NAA50: variants seen among roughly 807,000 people sequenced by gnomAD.
The protein encoded by NAA50 is N-alpha-acetyltransferase 50, NatE catalytic subunit, also known as N-alpha-acetyltransferase 50.
NAA50 carries 7 observed loss-of-function variants against 20.7 expected under a neutral mutation model. That is an observed-to-expected ratio of 0.34 (90% CI 0.19 to 0.63). The LOEUF is 0.63. Ranked by LOEUF, NAA50 falls within the 30% of genes least tolerant of loss-of-function variation. The pLI, the probability that NAA50 is intolerant of heterozygous loss-of-function variation, is 0.75. For missense variants in NAA50, 111 were observed against 199.1 expected, an observed-to-expected ratio of 0.56 and a Z score of 2.66; for synonymous variants, 54 against 70.6, an observed-to-expected ratio of 0.77 and a Z score of 1.18.
In NAA50 at chr3:113,746,066, C is replaced by A; in HGVS notation, c.-117G>T. On this transcript the variant is annotated 5_prime_UTR_variant, in exon 1 of 5. It adds an upstream start codon to the 5' untranslated region. Coordinates refer to ENST00000240922, the MANE Select transcript of NAA50 (RefSeq NM_025146.4). ...CAACCCCGCAAGCCGGCCTCCTAGC[C>A]TGGGCAGGGAGCTGTGCGAGCAACG... The A allele has an allele frequency of 7.1e-7, 1 of 1,403,976 alleles. No homozygotes were observed. Among genetic ancestry groups the A allele is most frequent in the Non-Finnish European group, 9.7e-7 (1 of 1,031,048 alleles). 87.0% of individuals were successfully genotyped at this position (1,403,976 alleles called of 1,614,324 possible). A position where few individuals can be genotyped will look rare whatever the true frequency, so the allele number is the denominator to read the frequency against.
chr3:113,745,545 T>G (rs1243500412), intron 1 of NAA50, among the ~76,000 whole-genome samples: 1 of 151,984 alleles, frequency 6.6e-6, no homozygotes, highest in Non-Finnish European at 1.5e-5. Context: ...AGTTCCAGAG[T>G]TGAGTCTGGA....
rs143773608 is a variant in NAA50 at position 113,732,088 on chromosome 3, A to G, written c.9-7993T>C. ...CCCCCAACCAAAGGATGTACATGTC[A>G]TAATCCCAGGAATCTTGAATATCTT... On this transcript the variant is annotated intron_variant, in intron 1 of 4. Coordinates refer to ENST00000240922, the MANE Select transcript of NAA50 (RefSeq NM_025146.4). Among the ~76,000 whole-genome samples, 1,151 of 152,308 alleles carry G rather than the reference A, an allele frequency of 7.6e-3. 11 individuals are homozygous for G. The highest frequency in any genetic ancestry group is 0.026 in the African/African-American group (1,100 of 41,548).
chr3:113,740,591 G>A (rs1017938397), intron 1 of NAA50, among the ~76,000 whole-genome samples: 3 of 152,148 alleles, frequency 2.0e-5, no homozygotes, highest in African/African-American at 7.2e-5. Context: ...GCCCAGGCTG[G>A]TCTTGAACTC....
At chr3:113,745,692 C>T (rs529568908) in intron 1 of NAA50, 5 of 495,644 alleles carry the variant, frequency 1.0e-5, no homozygotes, top group Non-Finnish European at 1.4e-5. Flanking sequence ...CCCCACTCAA[C>T]AACCCACACT....
intron 1 of NAA50, 114 bp from the exon 2 acceptor site, chr3:113,724,209 G>A: frequency 5.2e-6 from 6 of 1,158,340 alleles, no homozygotes; most frequent in Middle Eastern, 2.9e-4. Flanking sequence ...AACTCTTTCA[G>A]AGTTGATTTA....
rs2107980470 is a variant in NAA50 at position 113,717,772 on chromosome 3, A to G, written c.*3988T>C. ...CAAGAGCACAGCCTTTAGACCCACT[A>G]TTTCTTTTATATCCCGAATAACTGT... On this transcript the variant is annotated 3_prime_UTR_variant, in exon 5 of 5. Coordinates refer to ENST00000240922, the MANE Select transcript of NAA50 (RefSeq NM_025146.4). The G allele has an allele frequency of 6.6e-6, 1 of 152,256 alleles. No homozygotes were observed. The highest frequency in any genetic ancestry group is 2.1e-4 in the South Asian group (1 of 4,820). 9.4% of individuals were successfully genotyped at this position (152,256 alleles called of 1,614,324 possible). A position where few individuals can be genotyped will look rare whatever the true frequency, so the allele number is the denominator to read the frequency against.
In NAA50 at chr3:113,723,640, A is replaced by AT. The variant is rs1255626667; in HGVS notation, c.146-100dup. ...ACTACACTGTTCCTATCAACATTAA[A>AT]TTTCATCAACTATTTCATGAATATC... is the stretch of plus-strand genomic sequence containing the variant. On this transcript the variant is annotated intron_variant, in intron 2 of 4. Transcript: ENST00000240922. 21 of 1,304,796 alleles carry AT rather than the reference A, an allele frequency of 1.6e-5. No homozygotes were observed. In the Middle Eastern group the frequency reaches 9.2e-4, roughly 57 times the overall value. The allele number at this position is 1,304,796 out of a possible 1,614,324, so 80.8% of individuals were successfully genotyped here. A position where few individuals can be genotyped will look rare whatever the true frequency, so the allele number is the denominator to read the frequency against.
Position 113,746,225 on chromosome 3 carries a change from A to C in NAA50, c.-276T>G. On this transcript the variant is annotated 5_prime_UTR_variant, in exon 1 of 5. Transcript: ENST00000240922. Reference sequence around the variant, plus strand: ...CCCTCCCGCCGCTGCCGCCAGCCAGACCCGCTGCCGCGCTGTGACCTTTCA... The same window carrying C: ...CCCTCCCGCCGCTGCCGCCAGCCAGCCCCGCTGCCGCGCTGTGACCTTTCA... 9.1e-5 allele frequency: 33 copies of C among 362,278 alleles called. No homozygotes were observed. The highest frequency in any genetic ancestry group is 2.5e-4 in the East Asian group (4 of 16,068). The allele number at this position is 362,278 out of a possible 1,614,324, so 22.4% of individuals were successfully genotyped here. A position where few individuals can be genotyped will look rare whatever the true frequency, so the allele number is the denominator to read the frequency against.
At chr3:113,727,167 C>T (rs1434116855) in intron 1 of NAA50, among the ~76,000 whole-genome samples, 1 of 152,106 alleles carries the variant, frequency 6.6e-6, no homozygotes, top group African/African-American at 2.4e-5. Flanking sequence ...GTTTAACTTA[C>T]CATAGTGCCA....
intron 1 of NAA50, among the ~76,000 whole-genome samples, chr3:113,735,880 G>A (rs376949869): frequency 9.2e-5 from 14 of 152,124 alleles, no homozygotes; most frequent in African/African-American, 2.9e-4. Context: ...ACAGGGTTTC[G>A]CCATGTTGGC....
intron 1 of NAA50, among the ~76,000 whole-genome samples, chr3:113,744,327 G>C (rs1300156463): frequency 6.6e-6 from 1 of 152,066 alleles, no homozygotes; most frequent in East Asian, 1.9e-4. Context: ...AGCAAGGCGT[G>C]GTGGTGCGCG....
intron 1 of NAA50, among the ~76,000 whole-genome samples, chr3:113,733,339 A>AT (rs35051788): frequency 4.1e-4 from 62 of 150,120 alleles, no homozygotes; most frequent in East Asian, 2.1e-3. Flanking sequence ...AAACTACTCA[A>AT]TTTTTTTTTT....
intron 1 of NAA50, among the ~76,000 whole-genome samples, chr3:113,740,246 G>A (rs1708396812): frequency 6.6e-6 from 1 of 152,006 alleles, no homozygotes; most frequent in South Asian, 2.1e-4. Flanking sequence ...CTTACAGCAT[G>A]GCCCAATTCA....
At chr3:113,725,230 A>G (rs1307670928) in intron 1 of NAA50, among the ~76,000 whole-genome samples, 2 of 152,206 alleles carry the variant, frequency 1.3e-5, no homozygotes, top group African/African-American at 4.8e-5. Flanking sequence ...ATCAAATGTG[A>G]TAAGGCAAAC....
chr3:113,738,798 C>T lies in NAA50; in HGVS notation c.8+7144G>A, dbSNP rs12496617. Among the ~76,000 whole-genome samples, 699 of 152,234 alleles carry T rather than the reference C, an allele frequency of 4.6e-3. 15 individuals are homozygous for T. The highest frequency in any genetic ancestry group is 0.034 in the Admixed American group (516 of 15,286). ...GAACCCAAACATACCTTTAAATATA[C>T]CCTAATTTTCTGGAAAAAGAAGTGT... On this transcript the variant is annotated intron_variant, in intron 1 of 4. Transcript: ENST00000240922.
intron 1 of NAA50, among the ~76,000 whole-genome samples, chr3:113,731,096 G>T (rs1708266206): frequency 6.6e-6 from 1 of 152,142 alleles, no homozygotes; most frequent in African/African-American, 2.4e-5. Context: ...AATAAATGAA[G>T]TGAGCATCTT....
chr3:113,732,375 C>A (rs1559740177), intron 1 of NAA50, among the ~76,000 whole-genome samples: 1 of 152,174 alleles, frequency 6.6e-6, no homozygotes, highest in African/African-American at 2.4e-5. Flanking sequence ...TCTCAAGGGC[C>A]TCTAGGAGAA....
chr3:113,740,348 A>G, intron 1 of NAA50, among the ~76,000 whole-genome samples: 1 of 152,186 alleles, frequency 6.6e-6, no homozygotes, highest in East Asian at 1.9e-4. Context: ...CAAACATAAA[A>G]ACGGACCAAT....
In NAA50 at chr3:113,719,433, T is replaced by C. The variant is rs1460839180; in HGVS notation, c.*2327A>G. On this transcript the variant is annotated 3_prime_UTR_variant, in exon 5 of 5. Transcript: ENST00000240922. ...TGTTCTACTTCAAAGATAATTATTA[T>C]CATATATCAAAATAACCAGCTCAAC... 6.6e-6 allele frequency: 1 copy of C among 151,390 alleles called. No individual in the cohort carries two copies. The highest frequency in any genetic ancestry group is 6.6e-5 in the Admixed American group (1 of 15,236). 9.4% of individuals were successfully genotyped at this position (151,390 alleles called of 1,614,324 possible).
Sources: allele counts gnomAD v4.1 joint callset (sites outside exome capture counted in the v4.1 genomes callset), GRCh38; gene constraint gnomAD v4.1.1; transcripts MANE v1.5; gene names NCBI Gene and HGNC (gene_info 2026-07-23, HGNC 2026-07-21).